The following GPNMB variants were observed in gnomAD, a reference collection of about 807,000 sequenced individuals.
GPNMB encodes the protein glycoprotein nmb.
Under a neutral mutation model 57.3 loss-of-function variants are expected in GPNMB, and 71 were observed. That is an observed-to-expected ratio of 1.24 (90% CI 1.02 to 1.51). The LOEUF is 1.51. GPNMB is among the 40% of genes most tolerant of loss of function. The pLI is 0.00. For missense variants in GPNMB, 677 were observed against 691.9 expected (o/e 0.98, Z 0.24); for synonymous variants, 253 against 263.2 (o/e 0.96, Z 0.38).
At position 23,260,506 on chromosome 7, in the gene GPNMB, T is replaced by G; in HGVS notation, c.751T>G (p.Ser251Ala). Reference protein sequence around the residue: ...TMFQKNDRNSSDETFLKDLPI... With the variant: ...TMFQKNDRNSADETFLKDLPI... ...GTTCCAGAAGAACGATCGAAATTCA[T>G]CCGACGAAACCTTCCTCAAAGATCT... Residue 251 changes from serine (S) to alanine (A), a missense_variant, in exon 6 of 11, where the codon TCC (serine) becomes GCC (alanine). Ser to Ala is a moderately conservative substitution (Grantham distance 99). Coordinates refer to ENST00000258733, the MANE Select transcript of GPNMB (RefSeq NM_002510.3). 1.9e-6 allele frequency: 3 copies of G among 1,613,974 alleles called. No individual in the cohort carries two copies. The African/African-American group carries it at 4.0e-5, about 22-fold the overall frequency.
intron 8 of GPNMB, 61 bp from the exon 9 acceptor site, chr7:23,269,906 T>A (rs1185511630): frequency 3.6e-6 from 4 of 1,096,348 alleles, no homozygotes; most frequent in Non-Finnish European, 5.6e-6. Context: ...AAAATGGATC[T>A]GACCTTCCTC....
intron 7 of GPNMB, among the ~76,000 whole-genome samples, chr7:23,267,069 A>T (rs1783082180): frequency 6.6e-6 from 1 of 152,362 alleles, no homozygotes; most frequent in Non-Finnish European, 1.5e-5. Context: ...AACAGAGAAG[A>T]CAGAGGGGAA....
At chr7:23,252,574 G>A (rs937457867) in intron 1 of GPNMB, among the ~76,000 whole-genome samples, 1 of 152,178 alleles carries the variant, frequency 6.6e-6, no homozygotes, top group Non-Finnish European at 1.5e-5. Flanking sequence ...AATTCTAAAT[G>A]TATAGTATGC....
Position 23,253,311 on chromosome 7 carries a change from T to C in GPNMB, c.75T>C (p.Phe25=). The C allele has an allele frequency of 6.2e-7, 1 of 1,612,870 alleles. No homozygotes were observed. Among genetic ancestry groups the C allele is most frequent in the Non-Finnish European group, 8.5e-7 (1 of 1,179,368 alleles). The part of the protein sequence containing the change: ...ARLPLDAAKR[F]HDVLGNERPS... ...TTGTTTCGAATATTGATACAGGATT[T>C]CATGATGTGCTGGGCAATGAAAGAC... Residue 25 remains phenylalanine, a synonymous_variant, in exon 2 of 11, where the codon TTT becomes TTC. Transcript: ENST00000258733.
At position 23,260,784 on chromosome 7, in the gene GPNMB, G is replaced by C; in HGVS notation, c.1018+11G>C. On this transcript the variant is annotated intron_variant, in intron 6 of 10. Coordinates refer to ENST00000258733, the MANE Select transcript of GPNMB (RefSeq NM_002510.3). ...CCACCCCTTCTTTAGGTAAGGTTTCGCAGTGATCTTTGAGGGAGGCTCCTT... is the reference window on the plus strand; with the variant it reads ...CCACCCCTTCTTTAGGTAAGGTTTCCCAGTGATCTTTGAGGGAGGCTCCTT... 4.6e-6 allele frequency: 7 copies of C among 1,510,738 alleles called. No homozygotes were observed. Among genetic ancestry groups the C allele is most frequent in the Non-Finnish European group, 6.2e-6 (7 of 1,132,142 alleles). The allele number at this position is 1,510,738 out of a possible 1,614,324, so 93.6% of individuals were successfully genotyped here. A position where few individuals can be genotyped will look rare whatever the true frequency, so the allele number is the denominator to read the frequency against.
At chr7:23,273,650 G>A (rs375167919) in intron 10 of GPNMB, 36 bp downstream of exon 10, 187 of 1,250,706 alleles carry the variant, frequency 1.5e-4, no homozygotes, top group Non-Finnish European at 4.1e-5. Flanking sequence ...TATCACTATA[G>A]TGTATTGTCA....
At chr7:23,272,325 A>G (rs900343504) in intron 9 of GPNMB, among the ~76,000 whole-genome samples, 1 of 152,160 alleles carries the variant, frequency 6.6e-6, no homozygotes, top group South Asian at 2.1e-4. Flanking sequence ...CATTTTCAAA[A>G]GCCAAATAAA....
chr7:23,248,776 G>T (rs1422915995), intron 1 of GPNMB, among the ~76,000 whole-genome samples: 1 of 143,382 alleles, frequency 7.0e-6, no homozygotes, highest in Non-Finnish European at 1.5e-5. Context: ...TTACTATTGG[G>T]TTTTTTTTTT....
intron 6 of GPNMB, among the ~76,000 whole-genome samples, chr7:23,261,598 A>G (rs1782924992): frequency 6.6e-6 from 1 of 152,016 alleles, no homozygotes; most frequent in Admixed American, 6.6e-5. Flanking sequence ...ACTTGGACAC[A>G]GGGCGGGGAA....
Position 23,267,872 on chromosome 7 carries a change from G to T in GPNMB, c.1118-14G>T, listed in dbSNP as rs773678089. On this transcript the variant is annotated splice_polypyrimidine_tract_variant and intron_variant, in intron 7 of 10. Transcript: ENST00000258733. ...GTATTTTGATGTGTTTTTCTCTGGG[G>T]GTTATTTTGTTAGAGGGAATCTTAG... 1.3e-6 allele frequency: 2 copies of T among 1,508,126 alleles called. No individual in the cohort carries two copies. The highest frequency in any genetic ancestry group is 3.3e-5 in the Admixed American group (2 of 59,802). The allele number at this position is 1,508,126 out of a possible 1,614,324, so 93.4% of individuals were successfully genotyped here.
In GPNMB at chr7:23,246,835, G is replaced by A; in HGVS notation, c.-23G>A. 6.3e-7 allele frequency: 1 copy of A among 1,591,392 alleles called. No homozygotes were observed. Among genetic ancestry groups the A allele is most frequent in the Non-Finnish European group, 8.6e-7 (1 of 1,159,272 alleles). On this transcript the variant is annotated 5_prime_UTR_variant, in exon 1 of 11. Transcript: ENST00000258733. ...AGGAATTCAGAGTTAAACCTTGAGTGCCTGCGTCCGTGAGAATTCAGCATG... is the reference window on the plus strand; with the variant it reads ...AGGAATTCAGAGTTAAACCTTGAGTACCTGCGTCCGTGAGAATTCAGCATG...
chr7:23,266,325 A>G, intron 6 of GPNMB, 192 bp from the exon 7 acceptor site: 2 of 580,400 alleles, frequency 3.4e-6, no homozygotes, highest in South Asian at 4.5e-5. Flanking sequence ...TAGCAATTAT[A>G]ATACCTTATA....
At chr7:23,266,346 C>G in intron 6 of GPNMB, 171 bp from the exon 7 acceptor site, 1 of 623,322 alleles carries the variant, frequency 1.6e-6, no homozygotes, top group East Asian at 2.7e-5. Context: ...GCTCTCACAT[C>G]TGTGTAAATT....
In GPNMB at chr7:23,260,122, T is replaced by A. The variant is rs753634358; in HGVS notation, c.684T>A (p.Asp228Glu). Reference sequence around the variant, plus strand: ...ATGTTCCCATCGCACAAGTGAAAGATGTGTACGTGGTAACAGGTGAGTGGT... The same window carrying A: ...ATGTTCCCATCGCACAAGTGAAAGAAGTGTACGTGGTAACAGGTGAGTGGT... ...RAYVPIAQVK[D>E]VYVVTDQIPV... The change falls in exon 5 of 11, where the codon GAT (aspartate) becomes GAA (glutamate). Residue 228 changes from aspartate to glutamate, a missense_variant. By Grantham distance (45) the Asp-to-Glu change is conservative. Transcript: ENST00000258733. 27 of 1,613,876 alleles carry A rather than the reference T, an allele frequency of 1.7e-5. No individual in the cohort carries two copies. In the East Asian group the frequency reaches 5.8e-4, roughly 35 times the overall value.
chr7:23,270,656 A>C (rs1783182172), intron 9 of GPNMB, among the ~76,000 whole-genome samples: 1 of 152,182 alleles, frequency 6.6e-6, no homozygotes, highest in African/African-American at 2.4e-5. Context: ...CTTACCATGC[A>C]TCCTCTCTTT....
At chr7:23,254,486 C>T (rs999143473) in intron 3 of GPNMB, among the ~76,000 whole-genome samples, 174 bp downstream of exon 3, 5 of 152,356 alleles carry the variant, frequency 3.3e-5, no homozygotes, top group Non-Finnish European at 7.3e-5. Flanking sequence ...TCAACATCAA[C>T]GTCAGCCAGA....
At chr7:23,269,877 G>A (rs1023875950) in intron 8 of GPNMB, 90 bp from the exon 9 acceptor site, 34 of 809,178 alleles carry the variant, frequency 4.2e-5, no homozygotes, top group South Asian at 2.0e-4. Context: ...TCATAGAAAT[G>A]TAATGACTTT....
chr7:23,266,548 T>G lies in GPNMB; in HGVS notation c.1050T>G (p.Ser350Arg), dbSNP rs1783067852. Residue 350 changes from serine (S) to arginine (R), a missense_variant, in exon 7 of 11, where the codon AGT becomes AGG. Physicochemically the swap from Ser to Arg is moderately radical, Grantham distance 110. Coordinates refer to ENST00000258733, the MANE Select transcript of GPNMB (RefSeq NM_002510.3). ...CTGGTGACAACCCCCTGGAGCTGAG[T>G]AGGATTCCTGATGAAAACTGCCAGA... ...GPAGDNPLEL[S>R]RIPDENCQIN... The G allele has an allele frequency of 1.2e-6, 2 of 1,613,530 alleles. 1 individual carries two copies. The highest frequency in any genetic ancestry group is 2.7e-5 in the African/African-American group (2 of 74,894).
chr7:23,270,079 A>T lies in GPNMB; in HGVS notation c.1333A>T (p.Thr445Ser), dbSNP rs747220962. ...DEMCLLTVRR[T>S]FNGSGTYCVN... Reference sequence around the variant, plus strand: ...GATGTGTCTGCTGACTGTGAGACGAACCTTCAATGGGTCTGGGACGTACTG... The same window carrying T: ...GATGTGTCTGCTGACTGTGAGACGATCCTTCAATGGGTCTGGGACGTACTG... Residue 445 changes from threonine to serine, a missense_variant, in exon 9 of 11, where the codon ACC becomes TCC. Physicochemically the swap from Thr to Ser is moderately conservative, Grantham distance 58 (BLOSUM62 1). Transcript: ENST00000258733. 1.9e-5 allele frequency: 30 copies of T among 1,613,840 alleles called. 1 individual carries two copies. In the Admixed American group the frequency reaches 4.0e-4, roughly 22 times the overall value.
Sources: gnomAD v4.1 joint callset for allele counts (sites outside exome capture counted in the v4.1 genomes callset) on GRCh38, gnomAD v4.1.1 for gene constraint, MANE v1.5 for transcripts, NCBI Gene and HGNC (gene_info 2026-07-23, HGNC 2026-07-21) for gene names.